NT5DC3: variants seen among roughly 807,000 people sequenced by gnomAD.
NT5DC3 encodes 5'-nucleotidase domain-containing protein 3.
In NT5DC3, 42 loss-of-function variants were observed where a neutral mutation model predicts 67.8. That is an observed-to-expected ratio of 0.62 (90% CI 0.48 to 0.80). NT5DC3 has a LOEUF of 0.80. NT5DC3 is among the 30% of genes least tolerant of loss of function. The pLI is 0.00. For synonymous variants in NT5DC3, 237 were observed against 255.6 expected, an observed-to-expected ratio of 0.93 and a Z score of 0.69; for missense variants, 570 against 696.4, an observed-to-expected ratio of 0.82 and a Z score of 2.04.
the NT5DC3 span, among the ~76,000 whole-genome samples, chr12:103,760,508 G>A: frequency 2.0e-5 from 3 of 152,194 alleles, no homozygotes; most frequent in Admixed American, 2.0e-4. Flanking sequence ...TGACATGCCT[G>A]CCTCGGCCTT....
At chr12:103,758,245 G>A in the NT5DC3 span, 93 of 1,613,914 alleles carry the variant, frequency 5.8e-5, no homozygotes, top group Non-Finnish European at 7.5e-5. Flanking sequence ...GTCCATCCGC[G>A]GCACCCTCTT....
At chr12:103,790,410 G>A (rs892916694) in intron 9 of NT5DC3, among the ~76,000 whole-genome samples, 3 of 151,904 alleles carry the variant, frequency 2.0e-5, no homozygotes, top group African/African-American at 7.3e-5. Flanking sequence ...TGAGTAGCTG[G>A]GATTACAGTT....
Position 103,787,444 on chromosome 12 carries a change from C to T in NT5DC3, c.1185G>A (p.Leu395=), listed in dbSNP as rs1457331338. The T allele has an allele frequency of 1.3e-6, 2 of 1,554,822 alleles. No homozygotes were observed. Among genetic ancestry groups the T allele is most frequent in the Non-Finnish European group, 1.7e-6 (2 of 1,148,270 alleles). The stretch of plus-strand genomic sequence containing the variant: ...AAAGGAAAAAAGGGCCCCTCACCGC[C>T]AGGTCACTGTATATATGGTCACCAA... ...LYFGDHIYSD[L]ADLTLKHGWR... Residue 395 remains leucine, a synonymous_variant, in exon 11 of 14, where the codon CTG becomes CTA. Coordinates refer to ENST00000392876, the MANE Select transcript of NT5DC3 (RefSeq NM_001031701.3).
chr12:103,785,315 G>C lies in NT5DC3; in HGVS notation c.1329+20C>G. ...TCAGGCTTAAAGAAAAAGTGAGAGAGAAAAATAATATATCCAAACCTGCAT... is the reference window on the plus strand; with the variant it reads ...TCAGGCTTAAAGAAAAAGTGAGAGACAAAAATAATATATCCAAACCTGCAT... On this transcript the variant is annotated intron_variant, in intron 12 of 13. Transcript: ENST00000392876. 1.9e-6 allele frequency: 3 copies of C among 1,612,210 alleles called. No individual in the cohort carries two copies. Among genetic ancestry groups the C allele is most frequent in the Non-Finnish European group, 2.5e-6 (3 of 1,178,776 alleles).
intron 6 of NT5DC3, among the ~76,000 whole-genome samples, chr12:103,795,544 T>C (rs1199071630): frequency 2.0e-5 from 3 of 152,142 alleles, no homozygotes; most frequent in Admixed American, 6.5e-5. Flanking sequence ...CACACTGATA[T>C]TGAGAAACTA....
At chr12:103,781,274 C>T (rs1885539293) in intron 12 of NT5DC3, among the ~76,000 whole-genome samples, 1 of 152,226 alleles carries the variant, frequency 6.6e-6, no homozygotes, top group African/African-American at 2.4e-5. Flanking sequence ...AAACCATCTG[C>T]TTTTGACATG....
At chr12:103,827,845 AAAG>A (rs1593437274) in intron 1 of NT5DC3, among the ~76,000 whole-genome samples, 1 of 152,238 alleles carries the variant, frequency 6.6e-6, no homozygotes, top group African/African-American at 2.4e-5. Flanking sequence ...ACTTATTTGC[AAAG>A]AAGATTTTTT....
At chr12:103,839,456 C>G (rs1888287892) in intron 1 of NT5DC3, among the ~76,000 whole-genome samples, 1 of 152,160 alleles carries the variant, frequency 6.6e-6, no homozygotes, top group Non-Finnish European at 1.5e-5. Context: ...TCCTTTGTTG[C>G]CCAGGCTGGT....
intron 13 of NT5DC3, among the ~76,000 whole-genome samples, chr12:103,779,276 T>A (rs1206451914): frequency 6.6e-6 from 1 of 152,108 alleles, no homozygotes; most frequent in Non-Finnish European, 1.5e-5. Flanking sequence ...TATATCAACA[T>A]CCCTATCATA....
Position 103,793,520 on chromosome 12 carries a change from C to A in NT5DC3, c.815-8G>T. On this transcript the variant is annotated splice_region_variant and splice_polypyrimidine_tract_variant and intron_variant, in intron 7 of 13. Coordinates refer to ENST00000392876, the MANE Select transcript of NT5DC3 (RefSeq NM_001031701.3). ...CATAGCAGATGTACTTTTCTAAGAG[C>A]AAGAGAAAAATTCACACACAGATTC... 2.5e-6 allele frequency: 4 copies of A among 1,601,168 alleles called. No individual in the cohort carries two copies. The highest frequency in any genetic ancestry group is 3.4e-6 in the Non-Finnish European group (4 of 1,169,428).
chr12:103,749,085 G>A, the NT5DC3 span: 8,109 of 1,614,134 alleles, frequency 5.0e-3, 22 homozygotes, highest in Non-Finnish European at 6.0e-3. Flanking sequence ...CAGCTGCACA[G>A]AGATAGACCC....
chr12:103,758,505 T>G, the NT5DC3 span, among the ~76,000 whole-genome samples: 41,236 of 152,132 alleles, frequency 0.27, 6,258 homozygotes, highest in East Asian at 0.59. Flanking sequence ...CTCTGCTCCA[T>G]GGAACTCTCA....
chr12:103,765,961 C>T, downstream of NT5DC3: 1 of 435,874 alleles, frequency 2.3e-6, no homozygotes, highest in Non-Finnish European at 4.4e-6. Flanking sequence ...GGTGCTTATA[C>T]CTTGCTAAAT....
chr12:103,747,989 T>C, the NT5DC3 span, among the ~76,000 whole-genome samples: 2 of 114,640 alleles, frequency 1.7e-5, no homozygotes, highest in African/African-American at 7.4e-5. Context: ...AACAAGACTC[T>C]GTCTCCAAAA....
chr12:103,827,919 G>C (rs1310430367), intron 1 of NT5DC3, among the ~76,000 whole-genome samples: 1 of 152,170 alleles, frequency 6.6e-6, no homozygotes, highest in Non-Finnish European at 1.5e-5. Context: ...GACAAAGTCA[G>C]GATTTGGCTG....
chr12:103,813,788 T>A (rs1032546785), intron 2 of NT5DC3, among the ~76,000 whole-genome samples: 1 of 152,110 alleles, frequency 6.6e-6, no homozygotes, highest in Non-Finnish European at 1.5e-5. Context: ...CTAAGAACAA[T>A]CAACTTGGGA....
chr12:103,777,816 T>C lies in NT5DC3; in HGVS notation c.*13A>G, dbSNP rs751423631. 28 of 1,603,146 alleles carry C rather than the reference T, an allele frequency of 1.7e-5. 1 individual carries two copies. In the Admixed American group the frequency reaches 4.6e-4, roughly 26 times the overall value. ...AATCAGGGGCAGTTACAGTTTCTAG[T>C]TTTTGCCCTTGGCTACTTGGCCTGG... On this transcript the variant is annotated 3_prime_UTR_variant, in exon 14 of 14. Coordinates refer to ENST00000392876, the MANE Select transcript of NT5DC3 (RefSeq NM_001031701.3).
intron 11 of NT5DC3, among the ~76,000 whole-genome samples, chr12:103,786,054 T>C (rs2139316110): frequency 6.6e-6 from 1 of 152,260 alleles, no homozygotes; most frequent in Non-Finnish European, 1.5e-5. Context: ...CATTTTCTTA[T>C]TTGGCAAATA....
the NT5DC3 span, chr12:103,746,772 T>A: frequency 4.4e-5 from 66 of 1,497,714 alleles, no homozygotes; most frequent in Non-Finnish European, 5.6e-5. Flanking sequence ...TTGCTCACAG[T>A]GCCTGGGCTT....
Sources: allele counts gnomAD v4.1 joint callset (sites outside exome capture counted in the v4.1 genomes callset), GRCh38; gene constraint gnomAD v4.1.1; transcripts MANE v1.5; gene names NCBI Gene and HGNC (gene_info 2026-07-23, HGNC 2026-07-21).